PRPF31: variants seen among roughly 807,000 people sequenced by gnomAD.
PRPF31 encodes the protein U4/U6 small nuclear ribonucleoprotein Prp31.
Under a neutral mutation model 60.4 loss-of-function variants are expected in PRPF31, and 12 were observed. The ratio of observed to expected loss-of-function variants is 0.20; its 90% confidence interval spans 0.13 to 0.32. PRPF31 has a LOEUF of 0.32. Among genes scored for constraint, PRPF31 ranks in the 10% least tolerant of loss-of-function variants. The pLI is 1.00. For synonymous variants in PRPF31, 287 were observed against 287.9 expected (o/e 1.00, Z 0.03); for missense variants, 431 against 687.1 (o/e 0.63, Z 4.17).
At chr19:54,128,256 G>A (rs772693436) in intron 10 of PRPF31, 49 bp from the exon 11 acceptor site, 126 of 1,557,426 alleles carry the variant, frequency 8.1e-5, no homozygotes, top group South Asian at 1.5e-4. Context: ...AGAAGCCGGC[G>A]TCCTCCTCCC....
At chr19:54,119,904 T>G (rs2073745691) in intron 3 of PRPF31, 1 of 152,174 alleles carries the variant, frequency 6.6e-6, no homozygotes, top group Non-Finnish European at 1.5e-5. Flanking sequence ...CTGCTTGCTT[T>G]CTTTAACGTT....
At chr19:54,125,170 C>T (rs1319343995) in intron 8 of PRPF31, 1 of 195,288 alleles carries the variant, frequency 5.1e-6, no homozygotes, top group Non-Finnish European at 1.1e-5. Context: ...CATCACCATC[C>T]CAGCATCGAC....
At chr19:54,120,376 C>CT (rs1292539245) in intron 3 of PRPF31, 1 of 152,230 alleles carries the variant, frequency 6.6e-6, no homozygotes, top group African/African-American at 2.4e-5. Context: ...TCCCTGTTTA[C>CT]TGGAGGTGCA....
chr19:54,118,179 G>A (rs2073697103), intron 1 of PRPF31, 92 bp from the exon 2 acceptor site: 1 of 1,578,808 alleles, frequency 6.3e-7, no homozygotes, highest in African/African-American at 1.3e-5. Flanking sequence ...GATAAAGAAG[G>A]ACCAGGGTCT....
rs142604510 is a variant in PRPF31 at position 54,123,462 on chromosome 19, C to T, written c.429C>T (p.Gly143=). 31 of 1,614,008 alleles carry T rather than the reference C, an allele frequency of 1.9e-5. No homozygotes were observed. In the African/African-American group the frequency reaches 4.1e-4, roughly 22 times the overall value. ...LDYIRTVKEL[G]NSLDKCKNNE... ...TCTCTGCTCGCCCCCAGGAGCTGGG[C>T]AACAGCCTGGACAAGTGCAAGAACA... The change falls in exon 6 of 14, where the codon GGC becomes GGT. Residue 143 remains glycine, a synonymous_variant. Transcript: ENST00000321030.
chr19:54,121,892 C>G lies in PRPF31; in HGVS notation c.271C>G (p.Arg91Gly), dbSNP rs376072327. The change falls in exon 4 of 14, where the codon CGC becomes GGC. Residue 91 changes from arginine (R) to glycine (G), a missense_variant. Physicochemically the swap from Arg to Gly is moderately radical, Grantham distance 125. Transcript: ENST00000321030. The part of the protein sequence containing the change: ...MGPVEAAPEY[R>G]VIVDANNLTV... ...ACCAGTGGAGGCCGCGCCTGAATAC[C>G]GCGTCATCGTGGATGCCAACAACCT... 8.7e-6 allele frequency: 14 copies of G among 1,612,710 alleles called. No homozygotes were observed. Among genetic ancestry groups the G allele is most frequent in the Non-Finnish European group, 1.2e-5 (14 of 1,179,496 alleles).
intron 6 of PRPF31, 61 bp downstream of exon 6, chr19:54,123,621 C>T: frequency 2.5e-6 from 4 of 1,607,420 alleles, no homozygotes; most frequent in Non-Finnish European, 3.4e-6. Flanking sequence ...GCTGGAGCTA[C>T]ACACGCAGGT....
Position 54,131,625 on chromosome 19 carries a change from G to C in PRPF31, c.*193G>C. 1 of 737,822 alleles carries C rather than the reference G, an allele frequency of 1.4e-6. No individual in the cohort carries two copies. Among genetic ancestry groups the C allele is most frequent in the Non-Finnish European group, 2.2e-6 (1 of 444,676 alleles). 45.7% of individuals were successfully genotyped at this position (737,822 alleles called of 1,614,324 possible). A position where few individuals can be genotyped will look rare whatever the true frequency, so the allele number is the denominator to read the frequency against. The stretch of plus-strand genomic sequence containing the variant: ...GGACCGAGATCACCGCCCAGTATGG[G>C]CTAGAGCAGGTCTTCATCATGCCTT... On this transcript the variant is annotated 3_prime_UTR_variant, in exon 14 of 14. Coordinates refer to ENST00000321030, the MANE Select transcript of PRPF31 (RefSeq NM_015629.4).
rs1426172631 is a variant in PRPF31 at position 54,129,053 on chromosome 19, C to A, written c.1147-4C>A. 6.4e-7 allele frequency: 1 copy of A among 1,568,760 alleles called. No homozygotes were observed. Among genetic ancestry groups the A allele is most frequent in the South Asian group, 1.2e-5 (1 of 85,390 alleles). ...AACTGCAGGGCGCCTCCTCTCCCCC[C>A]TAGATCGAGGAGGACGCCTACCAGG... On this transcript the variant is annotated splice_polypyrimidine_tract_variant and splice_region_variant and intron_variant, in intron 11 of 13. Coordinates refer to ENST00000321030, the MANE Select transcript of PRPF31 (RefSeq NM_015629.4).
chr19:54,129,016 G>A, intron 11 of PRPF31, 41 bp from the exon 12 acceptor site: 1 of 1,550,396 alleles, frequency 6.4e-7, no homozygotes, highest in Non-Finnish European at 8.7e-7. Flanking sequence ...GGAGGGCAGG[G>A]CCTGGTCGCT....
chr19:54,122,218 T>C, intron 4 of PRPF31: 1 of 620,968 alleles, frequency 1.6e-6, no homozygotes, highest in East Asian at 2.7e-5. Context: ...GCGAGGTGAC[T>C]GCCCCACCTC....
chr19:54,122,706 C>T (rs1176036666), intron 5 of PRPF31, 112 bp downstream of exon 5: 17 of 888,164 alleles, frequency 1.9e-5, no homozygotes, highest in Non-Finnish European at 3.0e-5. Context: ...GAGGAGTGGA[C>T]GAGGGCTCAG....
intron 3 of PRPF31, among the ~76,000 whole-genome samples, chr19:54,121,160 G>A (rs1410571579): frequency 2.0e-5 from 3 of 151,986 alleles, no homozygotes; most frequent in East Asian, 1.9e-4. Flanking sequence ...AAAATTAGCC[G>A]GGCATGGTGG....
intron 3 of PRPF31, among the ~76,000 whole-genome samples, chr19:54,121,013 C>T (rs1323721748): frequency 6.6e-6 from 1 of 152,142 alleles, no homozygotes; most frequent in Non-Finnish European, 1.5e-5. Flanking sequence ...CAGGAGGGGT[C>T]TGGCGCGGTG....
chr19:54,122,418 A>AGGGGACATG, intron 4 of PRPF31, 79 bp from the exon 5 acceptor site: 3 of 1,037,780 alleles, frequency 2.9e-6, no homozygotes, highest in Non-Finnish European at 4.6e-6. Context: ...TAAAGGAAGA[A>AGGGGACATG]GGGGACATGG....
chr19:54,124,694 C>A, intron 8 of PRPF31, 38 bp downstream of exon 8: 1 of 1,602,584 alleles, frequency 6.2e-7, no homozygotes. Flanking sequence ...CCCGGCCCCC[C>A]TGGAGCCTTC....
intron 1 of PRPF31, among the ~76,000 whole-genome samples, chr19:54,116,028 G>C (rs1389416631): frequency 1.3e-5 from 2 of 151,306 alleles, no homozygotes; most frequent in African/African-American, 4.9e-5. Flanking sequence ...TCAGCCTCCA[G>C]AGTAGCTGGG....
intron 3 of PRPF31, among the ~76,000 whole-genome samples, chr19:54,119,168 T>G (rs1019999094): frequency 6.6e-6 from 1 of 152,000 alleles, no homozygotes; most frequent in African/African-American, 2.4e-5. Context: ...GGATCATGAG[T>G]TCAGGAGATC....
chr19:54,123,698 C>T, intron 6 of PRPF31, 51 bp from the exon 7 acceptor site: 2 of 1,593,144 alleles, frequency 1.3e-6, no homozygotes, highest in South Asian at 2.2e-5. Flanking sequence ...TGGGGCTGGG[C>T]ACACCAGGCA....
Sources: allele counts gnomAD v4.1 joint callset (sites outside exome capture counted in the v4.1 genomes callset), GRCh38; gene constraint gnomAD v4.1.1; transcripts MANE v1.5; gene names NCBI Gene and HGNC (gene_info 2026-07-23, HGNC 2026-07-21).